SNTG1: variants seen among roughly 807,000 people sequenced by gnomAD.
SNTG1 encodes the protein syntrophin gamma 1, also known as gamma-1-syntrophin.
In SNTG1, 39 loss-of-function variants were observed where a neutral mutation model predicts 74.7. That is an observed-to-expected ratio of 0.52 (90% confidence interval 0.40 to 0.68). SNTG1 has a LOEUF of 0.68. Among genes scored for constraint, SNTG1 ranks in the 30% least tolerant of loss-of-function variants. The pLI is 0.00. For synonymous variants in SNTG1, 254 were observed against 217.1 expected, an observed-to-expected ratio of 1.17 and a Z score of -1.49; for missense variants, 685 against 609.5, an observed-to-expected ratio of 1.12 and a Z score of -1.30.
intron 2 of SNTG1, among the ~76,000 whole-genome samples, chr8:50,223,878 G>T (rs761068197): frequency 6.6e-6 from 1 of 151,912 alleles, no homozygotes; most frequent in Non-Finnish European, 1.5e-5. Flanking sequence ...TAACCCTAAA[G>T]TATAAGGAAT....
chr8:50,128,757 T>A (rs1189981920), intron 1 of SNTG1, among the ~76,000 whole-genome samples: 2 of 152,170 alleles, frequency 1.3e-5, no homozygotes, highest in African/African-American at 2.4e-5. Flanking sequence ...GTTAGTTTCA[T>A]AAATGTTAGT....
chr8:50,582,380 G>C (rs972822283), intron 12 of SNTG1, among the ~76,000 whole-genome samples: 1 of 152,150 alleles, frequency 6.6e-6, no homozygotes, highest in Non-Finnish European at 1.5e-5. Flanking sequence ...TTACATTCTA[G>C]TGAGGGGAGC....
intron 13 of SNTG1, among the ~76,000 whole-genome samples, chr8:50,639,627 T>TGGG (rs1255626252): frequency 5.9e-5 from 9 of 152,160 alleles, no homozygotes; most frequent in Non-Finnish European, 1.3e-4. Flanking sequence ...TAATACAGAT[T>TGGG]ACTGACAGAA....
chr8:50,501,799 G>T (rs1391333887), intron 8 of SNTG1, among the ~76,000 whole-genome samples: 2 of 151,674 alleles, frequency 1.3e-5, no homozygotes, highest in African/African-American at 4.8e-5. Context: ...TTCTAAATTG[G>T]TTTCAAGTAG....
At position 50,315,041 on chromosome 8, in the gene SNTG1, AAATT is replaced by A. The variant is rs1297489452; in HGVS notation, c.-27-79165_-27-79162del. 3.3e-5 allele frequency among the ~76,000 whole-genome samples: 5 copies of A among 150,096 alleles called. No individual in the cohort carries two copies. In the East Asian group the frequency reaches 9.8e-4, roughly 29 times the overall value. ...TTTATTTATTAAATAATTCATCAAAAAATTAATTACTAAATATTGCGAATGGATT... is the reference window on the plus strand; with the variant it reads ...TTTATTTATTAAATAATTCATCAAAAAATTACTAAATATTGCGAATGGATT... On this transcript the variant is annotated intron_variant, in intron 2 of 18. Coordinates refer to ENST00000642720, the MANE Select transcript of SNTG1 (RefSeq NM_018967.5).
intron 18 of SNTG1, among the ~76,000 whole-genome samples, chr8:50,756,203 G>A (rs995732375): frequency 6.6e-6 from 1 of 151,790 alleles, no homozygotes; most frequent in Admixed American, 6.6e-5. Context: ...TCTGCAGTGT[G>A]TCTTTTTGCT....
intron 2 of SNTG1, among the ~76,000 whole-genome samples, chr8:50,327,499 T>C (rs1184264790): frequency 6.6e-6 from 1 of 152,172 alleles, no homozygotes; most frequent in Non-Finnish European, 1.5e-5. Context: ...TTGATTTGTA[T>C]AAACATTGTA....
At chr8:50,654,040 C>T (rs1448917266) in intron 13 of SNTG1, among the ~76,000 whole-genome samples, 1 of 152,100 alleles carries the variant, frequency 6.6e-6, no homozygotes, top group Non-Finnish European at 1.5e-5. Context: ...TCTGAAGACA[C>T]ATGCCAAAGT....
At chr8:50,031,362 A>G (rs1316648975) in intron 1 of SNTG1, among the ~76,000 whole-genome samples, 3 of 151,930 alleles carry the variant, frequency 2.0e-5, no homozygotes, top group African/African-American at 2.4e-5. Flanking sequence ...ACTGTCTATA[A>G]CTTGCAGTAT....
At chr8:50,391,940 C>T (rs953765718) in intron 2 of SNTG1, among the ~76,000 whole-genome samples, 1 of 152,108 alleles carries the variant, frequency 6.6e-6, no homozygotes, top group African/African-American at 2.4e-5. Flanking sequence ...TACCAGCATG[C>T]TTCAACACTG....
chr8:49,958,666 G>A (rs1024605645), intron 1 of SNTG1, among the ~76,000 whole-genome samples: 7 of 152,210 alleles, frequency 4.6e-5, no homozygotes, highest in South Asian at 2.1e-4. Flanking sequence ...TGATCCACCC[G>A]CCTTGGCCTC....
At chr8:50,009,233 T>C (rs1815538177) in intron 1 of SNTG1, among the ~76,000 whole-genome samples, 3 of 152,164 alleles carry the variant, frequency 2.0e-5, no homozygotes, top group Admixed American at 1.3e-4. Context: ...CTCACTTAGA[T>C]TGTATAATTT....
At chr8:50,719,750 T>A (rs1243337653) in intron 17 of SNTG1, among the ~76,000 whole-genome samples, 3 of 152,218 alleles carry the variant, frequency 2.0e-5, no homozygotes, top group Non-Finnish European at 4.4e-5. Flanking sequence ...TACATGGCTA[T>A]GATTAAAATA....
intron 11 of SNTG1, among the ~76,000 whole-genome samples, chr8:50,550,400 C>A (rs2094417788): frequency 1.3e-5 from 2 of 152,138 alleles, no homozygotes; most frequent in Admixed American, 1.3e-4. Context: ...AAACAGGAAT[C>A]ACTAACTATA....
intron 1 of SNTG1, among the ~76,000 whole-genome samples, chr8:50,153,629 C>A (rs967638183): frequency 6.6e-5 from 10 of 152,320 alleles, no homozygotes; most frequent in Non-Finnish European, 1.2e-4. Flanking sequence ...CCAGTCAGGA[C>A]CCTCAGCTGC....
At chr8:50,382,999 T>A (rs575956461) in intron 2 of SNTG1, among the ~76,000 whole-genome samples, 2 of 152,304 alleles carry the variant, frequency 1.3e-5, no homozygotes, top group East Asian at 3.9e-4. Flanking sequence ...CCCACATTAT[T>A]GGGAATAATC....
chr8:50,146,483 A>G (rs1281629813), intron 1 of SNTG1, among the ~76,000 whole-genome samples: 1 of 152,134 alleles, frequency 6.6e-6, no homozygotes, highest in Non-Finnish European at 1.5e-5. Flanking sequence ...ACGCCATTGC[A>G]CTCCAGCCTG....
intron 1 of SNTG1, among the ~76,000 whole-genome samples, chr8:50,071,974 T>C (rs190268484): frequency 6.6e-6 from 1 of 152,342 alleles, no homozygotes; most frequent in East Asian, 1.9e-4. Flanking sequence ...ATTTTCTTGC[T>C]ATTATATTGT....
At position 50,584,498 on chromosome 8, in the gene SNTG1, A is replaced by G. The variant is rs548992918; in HGVS notation, c.811-6381A>G. Among the ~76,000 whole-genome samples, 618 of 143,456 alleles carry G rather than the reference A, an allele frequency of 4.3e-3. 9 individuals are homozygous for G. Among genetic ancestry groups the G allele is most frequent in the African/African-American group, 0.014 (558 of 38,566 alleles). The allele number at this position is 143,456 out of a possible 152,430, so 94.1% of individuals were successfully genotyped here. A position where few individuals can be genotyped will look rare whatever the true frequency, so the allele number is the denominator to read the frequency against. On this transcript the variant is annotated intron_variant, in intron 12 of 18. Transcript: ENST00000642720. ...TGGTATCTCATTGTGGTTTTGATTT[A>G]CATTTCTCTGATTCTTTTTTTTTTT... is the stretch of plus-strand genomic sequence containing the variant.
Sources: allele counts gnomAD v4.1 joint callset (sites outside exome capture counted in the v4.1 genomes callset), GRCh38; gene constraint gnomAD v4.1.1; transcripts MANE v1.5; gene names NCBI Gene and HGNC (gene_info 2026-07-23, HGNC 2026-07-21).